CTNNA3: variants seen among roughly 807,000 people sequenced by gnomAD.
CTNNA3 encodes catenin alpha-3.
In CTNNA3, 76 loss-of-function variants were observed where a neutral mutation model predicts 95.7. That is an observed-to-expected ratio of 0.79 (90% CI 0.66 to 0.96). The LOEUF (loss-of-function observed/expected upper bound fraction) is 0.96, where lower values mean the gene tolerates loss of function less well. CTNNA3 is among the 40% of genes least tolerant of loss of function. The pLI is 0.00. For missense variants in CTNNA3, 1,191 were observed against 1,089.8 expected (o/e 1.09, Z -1.31); for synonymous variants, 431 against 374.4 (o/e 1.15, Z -1.74).
intron 8 of CTNNA3, among the ~76,000 whole-genome samples, chr10:66,772,184 G>A (rs1457129858): frequency 2.0e-5 from 3 of 152,132 alleles, no homozygotes; most frequent in Non-Finnish European, 4.4e-5. Context: ...CCAGCACTTT[G>A]GGAGGCCGAG....
intron 11 of CTNNA3, among the ~76,000 whole-genome samples, chr10:66,500,429 T>C (rs1840242797): frequency 6.6e-6 from 1 of 152,144 alleles, no homozygotes; most frequent in Admixed American, 6.5e-5. Flanking sequence ...TTGAATATGA[T>C]GTTAGCTTAA....
intron 3 of CTNNA3, among the ~76,000 whole-genome samples, chr10:67,545,343 C>T (rs1014014482): frequency 1.6e-4 from 24 of 152,060 alleles, no homozygotes; most frequent in Non-Finnish European, 3.5e-4. Context: ...AATGGTATCT[C>T]CTTTCCGGTA....
chr10:66,124,785 C>T (rs1000336253), intron 13 of CTNNA3, among the ~76,000 whole-genome samples: 1 of 152,124 alleles, frequency 6.6e-6, no homozygotes, highest in African/African-American at 2.4e-5. Context: ...ACCATCAGAT[C>T]TCATGAGACT....
intron 13 of CTNNA3, among the ~76,000 whole-genome samples, chr10:66,222,005 T>C: frequency 6.6e-6 from 1 of 152,180 alleles, no homozygotes; most frequent in Non-Finnish European, 1.5e-5. Flanking sequence ...TTTTATGACT[T>C]AGGTTATTGG....
chr10:66,768,573 C>G (rs745511376), intron 8 of CTNNA3, among the ~76,000 whole-genome samples: 40 of 152,150 alleles, frequency 2.6e-4, no homozygotes, highest in Non-Finnish European at 2.2e-4. Flanking sequence ...ATATTCCCAT[C>G]ATGGACTTGT....
At chr10:66,326,877 T>C (rs1378987129) in intron 12 of CTNNA3, among the ~76,000 whole-genome samples, 1 of 152,144 alleles carries the variant, frequency 6.6e-6, no homozygotes, top group Non-Finnish European at 1.5e-5. Context: ...CTTTTCAATA[T>C]GTGTTTTTAG....
chr10:67,320,135 CT>C (rs1278251559), intron 5 of CTNNA3, among the ~76,000 whole-genome samples: 1 of 152,062 alleles, frequency 6.6e-6, no homozygotes, highest in Non-Finnish European at 1.5e-5. Context: ...GATACCATAG[CT>C]TCAAAATTAG....
chr10:66,142,709 A>G (rs927106157), intron 13 of CTNNA3, among the ~76,000 whole-genome samples: 1 of 152,112 alleles, frequency 6.6e-6, no homozygotes, highest in East Asian at 1.9e-4. Flanking sequence ...AAACTGATAT[A>G]TTTCAAAGAC....
At chr10:66,787,930 G>T (rs1378659098) in intron 7 of CTNNA3, among the ~76,000 whole-genome samples, 1 of 152,112 alleles carries the variant, frequency 6.6e-6, no homozygotes, top group Non-Finnish European at 1.5e-5. Flanking sequence ...ACTAAATACT[G>T]TCTATGCAAA....
intron 5 of CTNNA3, among the ~76,000 whole-genome samples, chr10:67,350,049 A>T (rs907674740): frequency 2.6e-5 from 4 of 152,276 alleles, no homozygotes; most frequent in Non-Finnish European, 5.9e-5. Flanking sequence ...TAATTTAATT[A>T]CCAATTTCGG....
At chr10:67,727,763 T>TATATATA (rs1312879320) in intron 1 of CTNNA3, among the ~76,000 whole-genome samples, 6 of 125,382 alleles carry the variant, frequency 4.8e-5, no homozygotes, top group African/African-American at 1.9e-4. Flanking sequence ...TATTATATAT[T>TATATATA]ATATATAATA....
chr10:67,725,331 C>T, intron 1 of CTNNA3, among the ~76,000 whole-genome samples: 1 of 152,046 alleles, frequency 6.6e-6, no homozygotes, highest in Non-Finnish European at 1.5e-5. Flanking sequence ...CACCCGCCAC[C>T]ACGCCCAGCT....
At chr10:66,975,470 G>T (rs898126596) in intron 7 of CTNNA3, among the ~76,000 whole-genome samples, 1 of 152,132 alleles carries the variant, frequency 6.6e-6, no homozygotes, top group East Asian at 1.9e-4. Flanking sequence ...AGTTGGAAAG[G>T]TTTCCCTTTC....
chr10:67,016,663 G>A (rs925608096), intron 7 of CTNNA3, among the ~76,000 whole-genome samples: 3 of 152,146 alleles, frequency 2.0e-5, no homozygotes, highest in South Asian at 4.1e-4. Flanking sequence ...TGGGGGAAAG[G>A]CACCTATTGA....
intron 5 of CTNNA3, among the ~76,000 whole-genome samples, chr10:67,481,936 G>A (rs998918974): frequency 6.6e-6 from 1 of 151,862 alleles, no homozygotes; most frequent in Non-Finnish European, 1.5e-5. Flanking sequence ...TAAGGTGTAA[G>A]GAAGGGATCC....
Position 65,914,857 on chromosome 10 carries a change from T to G in CTNNA3, c.*5473A>C, listed in dbSNP as rs945662136. ...CATTCAGTTAATAGAGGTGAGAATA[T>G]TCAGCTAATTATATATCTGTCTTGA... On this transcript the variant is annotated 3_prime_UTR_variant, in exon 18 of 18. Coordinates refer to ENST00000433211, the MANE Select transcript of CTNNA3 (RefSeq NM_013266.4). The G allele has an allele frequency of 2.6e-5, 4 of 152,176 alleles. No individual in the cohort carries two copies. The highest frequency in any genetic ancestry group is 4.4e-5 in the Non-Finnish European group (3 of 68,034). 9.4% of individuals were successfully genotyped at this position (152,176 alleles called of 1,614,324 possible).
At chr10:67,552,131 C>A (rs1158528420) in intron 3 of CTNNA3, among the ~76,000 whole-genome samples, 1 of 152,200 alleles carries the variant, frequency 6.6e-6, no homozygotes, top group Non-Finnish European at 1.5e-5. Context: ...AGTATTATCT[C>A]ATATAATGTG....
intron 9 of CTNNA3, among the ~76,000 whole-genome samples, chr10:66,717,573 G>A (rs1848493599): frequency 6.6e-6 from 1 of 152,078 alleles, no homozygotes; most frequent in South Asian, 2.1e-4. Flanking sequence ...ACCTGGATAA[G>A]CTGGCATGTG....
intron 7 of CTNNA3, among the ~76,000 whole-genome samples, chr10:66,970,605 T>C (rs1315505519): frequency 1.3e-5 from 2 of 152,136 alleles, no homozygotes; most frequent in African/African-American, 4.8e-5. Context: ...GAGGAAGGTA[T>C]AGAAATTTAG....
Sources: allele counts gnomAD v4.1 joint callset (sites outside exome capture counted in the v4.1 genomes callset), GRCh38; gene constraint gnomAD v4.1.1; transcripts MANE v1.5; gene names NCBI Gene and HGNC (gene_info 2026-07-23, HGNC 2026-07-21).